Variants in MPP3 observed in about 807,000 individuals in gnomAD.
MPP3 encodes the protein MAGUK p55 subfamily member 3.
MPP3 carries 48 observed loss-of-function variants against 80.7 expected under a neutral mutation model. That is an observed-to-expected ratio of 0.59 (90% CI 0.47 to 0.76). The LOEUF (loss-of-function observed/expected upper bound fraction) is 0.76, where lower values mean the gene tolerates loss of function less well. Among genes scored for constraint, MPP3 ranks in the 30% least tolerant of loss-of-function variants. The pLI, the probability that MPP3 is intolerant of heterozygous loss-of-function variation, is 0.00. For synonymous variants in MPP3, 311 were observed against 297.6 expected (o/e 1.04, Z -0.46); for missense variants, 620 against 763.0 (o/e 0.81, Z 2.21).
intron 18 of MPP3, among the ~76,000 whole-genome samples, 166 bp from the exon 19 acceptor site, chr17:43,809,244 TC>T (rs2044744489): frequency 6.6e-6 from 1 of 152,190 alleles, no homozygotes; most frequent in Non-Finnish European, 1.5e-5. Context: ...GACCAACTGC[TC>T]CTTTTCTCAT....
At chr17:43,829,591 T>G in intron 7 of MPP3, 63 bp downstream of exon 7, 1 of 1,585,944 alleles carries the variant, frequency 6.3e-7, no homozygotes, top group South Asian at 1.1e-5. Flanking sequence ...TTGTCCAGTG[T>G]TCTGGGTGGG....
In MPP3 at chr17:43,820,904, T is replaced by C; in HGVS notation, c.839A>G (p.Asn280Ser). The C allele has an allele frequency of 6.2e-7, 1 of 1,614,098 alleles. No homozygotes were observed. The highest frequency in any genetic ancestry group is 8.5e-7 in the Non-Finnish European group (1 of 1,180,006). ...WWQAKRVGDT[N>S]LRAGLIPSKG... Reference sequence around the variant, plus strand: ...GGAGGGGATGAGGCCGGCTCGAAGGTTGGTGTCCCCGACTCGCTTGGCCTG... The same window carrying C: ...GGAGGGGATGAGGCCGGCTCGAAGGCTGGTGTCCCCGACTCGCTTGGCCTG... Residue 280 changes from asparagine to serine, a missense_variant, in exon 11 of 20, where the codon AAC (asparagine) becomes AGC (serine). Coordinates refer to ENST00000398389, the MANE Select transcript of MPP3 (RefSeq NM_001932.6).
Position 43,831,293 on chromosome 17 carries a change from C to G in MPP3, c.173G>C (p.Arg58Thr). ...KIHEKLRYYE[R>T]QSPTPVLHSA... is the part of the protein sequence containing the mutation. ...GTGCAGAACTGGGGTTGGACTTTGC[C>G]TTTCATAATAGCGAAGCTTCTCATG... Residue 58 changes from arginine (R) to threonine (T), a missense_variant, in exon 5 of 20, where the codon AGG becomes ACG. Arg to Thr is a moderately conservative substitution (Grantham distance 71). Coordinates refer to ENST00000398389, the MANE Select transcript of MPP3 (RefSeq NM_001932.6). The G allele has an allele frequency of 6.2e-7, 1 of 1,614,036 alleles. No homozygotes were observed. The highest frequency in any genetic ancestry group is 1.1e-5 in the South Asian group (1 of 91,082).
In MPP3 at chr17:43,821,024, C is replaced by CGAGG. The variant is rs755981993; in HGVS notation, c.715_718dup (p.Arg240ProfsTer79). The CGAGG allele has an allele frequency of 8.7e-6, 14 of 1,613,868 alleles. No homozygotes were observed. The highest frequency in any genetic ancestry group is 1.3e-5 in the African/African-American group (1 of 74,938). ...CTGGCAAGGGATGGCCCGGTCCTCC[C>CGAGG]GAGGGTTGTAGTGGAAGAGGGCGCG... is the stretch of plus-strand genomic sequence containing the variant. On this transcript the variant is annotated frameshift_variant, in exon 11 of 20. Transcript: ENST00000398389. LOFTEE classifies it high-confidence loss of function.
chr17:43,811,295 C>A (rs1014548655), intron 16 of MPP3, 90 bp from the exon 17 acceptor site: 1 of 968,160 alleles, frequency 1.0e-6, no homozygotes, highest in South Asian at 1.3e-5. Flanking sequence ...TTTGGGAGTT[C>A]ACTGCTGCTG....
At chr17:43,814,114 A>G (rs761778497) in intron 15 of MPP3, 23 bp from the exon 16 acceptor site, 1 of 1,606,588 alleles carries the variant, frequency 6.2e-7, no homozygotes, top group Non-Finnish European at 8.5e-7. Flanking sequence ...AAGAAGGCTG[A>G]CCAGGGTCCC....
intron 5 of MPP3, among the ~76,000 whole-genome samples, chr17:43,830,323 C>T (rs1432156747): frequency 6.6e-6 from 1 of 152,206 alleles, no homozygotes; most frequent in East Asian, 1.9e-4. Context: ...TTAAGCCCTA[C>T]GTGCTTTCTG....
At chr17:43,805,341 G>A (rs185506811) in intron 19 of MPP3, among the ~76,000 whole-genome samples, 20 of 152,328 alleles carry the variant, frequency 1.3e-4, no homozygotes, top group African/African-American at 4.8e-4. Context: ...TGAGGATGTG[G>A]AGAAATGGGA....
chr17:43,809,201 A>C lies in MPP3; in HGVS notation c.1459-123T>G, dbSNP rs979677076. ...CCTCAACAGCAAAGGTCCTGGTTAC[A>C]TGGGTCCCATGACAATGGACTTCAA... On this transcript the variant is annotated intron_variant, in intron 18 of 19. Coordinates refer to ENST00000398389, the MANE Select transcript of MPP3 (RefSeq NM_001932.6). 15 of 1,020,756 alleles carry C rather than the reference A, an allele frequency of 1.5e-5. No individual in the cohort carries two copies. The African/African-American group carries it at 2.5e-4, about 17-fold the overall frequency. 63.2% of individuals were successfully genotyped at this position (1,020,756 alleles called of 1,614,324 possible). A position where few individuals can be genotyped will look rare whatever the true frequency, so the allele number is the denominator to read the frequency against.
Position 43,832,006 on chromosome 17 carries a change from A to C in MPP3, c.-37-63T>G, listed in dbSNP as rs1268302974. On this transcript the variant is annotated intron_variant, in intron 2 of 19. Coordinates refer to ENST00000398389, the MANE Select transcript of MPP3 (RefSeq NM_001932.6). ...TCAAGCATATTTATTGAACAAACTG[A>C]CTACACATCTACTGTGTTCTCTGAG... is the stretch of plus-strand genomic sequence containing the variant. 4.9e-6 allele frequency: 5 copies of C among 1,010,280 alleles called. No individual in the cohort carries two copies. The Admixed American group carries it at 9.8e-5, about 20-fold the overall frequency. The allele number at this position is 1,010,280 out of a possible 1,614,324, so 62.6% of individuals were successfully genotyped here.
rs766463034 is a variant in MPP3 at position 43,831,581 on chromosome 17, T to C, written c.122A>G (p.Lys41Arg). The change falls in exon 4 of 20, where the codon AAA becomes AGA. Residue 41 changes from lysine (K) to arginine (R), a missense_variant. Physicochemically the swap from Lys to Arg is conservative, Grantham distance 26 (BLOSUM62 2). Coordinates refer to ENST00000398389, the MANE Select transcript of MPP3 (RefSeq NM_001932.6). ...MGFLRDVFSE[K>R]SLSYLMKIHE... ...CACCTTCATTAAGTAACTGAGGCTT[T>C]TTTCACTGAAAACATCCCTCAGGAA... 6.2e-7 allele frequency: 1 copy of C among 1,613,422 alleles called. No individual in the cohort carries two copies. The highest frequency in any genetic ancestry group is 8.5e-7 in the Non-Finnish European group (1 of 1,179,502).
intron 12 of MPP3, 37 bp downstream of exon 12, chr17:43,818,009 G>C (rs1280487199): frequency 1.3e-6 from 2 of 1,535,754 alleles, no homozygotes; most frequent in Admixed American, 2.0e-5. Context: ...CTAACCCCGG[G>C]CCCTCCCTGG....
At chr17:43,828,406 G>A (rs1261989709) in intron 7 of MPP3, among the ~76,000 whole-genome samples, 2 of 152,218 alleles carry the variant, frequency 1.3e-5, no homozygotes, top group South Asian at 2.1e-4. Flanking sequence ...CACACAGGCC[G>A]GACTGCAGCA....
At position 43,823,666 on chromosome 17, in the gene MPP3, T is replaced by C. The variant is rs565939086; in HGVS notation, c.684+265A>G. On this transcript the variant is annotated intron_variant, in intron 10 of 19. Transcript: ENST00000398389. ...ACTTGGTACCTTCTCCTCCTCTTCA[T>C]GGCCCTGAGTTTCTATTTCAATTAA... Among the ~76,000 whole-genome samples, 369 of 152,338 alleles carry C rather than the reference T, an allele frequency of 2.4e-3. 1 individual carries two copies. Among genetic ancestry groups the C allele is most frequent in the Admixed American group, 3.8e-3 (58 of 15,306 alleles).
At chr17:43,830,593 C>T (rs56864307) in intron 5 of MPP3, among the ~76,000 whole-genome samples, 4,493 of 152,226 alleles carry the variant, frequency 0.03, 227 homozygotes, top group African/African-American at 0.1. Context: ...GGACAGGCAG[C>T]GCTGAGCCTG....
chr17:43,831,788 C>T (rs2045976320), intron 3 of MPP3, 94 bp downstream of exon 3: 1 of 1,452,442 alleles, frequency 6.9e-7, no homozygotes, highest in Non-Finnish European at 9.4e-7. Context: ...TGAGGACATT[C>T]TCTCCCCAGG....
At chr17:43,831,702 G>A (rs983763567) in intron 3 of MPP3, 25 bp from the exon 4 acceptor site, 2 of 1,580,696 alleles carry the variant, frequency 1.3e-6, no homozygotes, top group South Asian at 1.1e-5. Context: ...GAAAAACAAA[G>A]GATAGCAAAC....
At chr17:43,824,794 G>C (rs1490698466) in intron 9 of MPP3, among the ~76,000 whole-genome samples, 2 of 152,178 alleles carry the variant, frequency 1.3e-5, no homozygotes, top group African/African-American at 4.8e-5. Flanking sequence ...TGTTTTTTGA[G>C]ATGGAGTTTT....
intron 5 of MPP3, among the ~76,000 whole-genome samples, 195 bp from the exon 6 acceptor site, chr17:43,830,302 G>A (rs1297392750): frequency 6.6e-6 from 1 of 152,170 alleles, no homozygotes; most frequent in Non-Finnish European, 1.5e-5. Flanking sequence ...ATCCTCCAAG[G>A]AGCCACCGTT....
Sources: gnomAD v4.1 joint callset for allele counts (sites outside exome capture counted in the v4.1 genomes callset) on GRCh38, gnomAD v4.1.1 for gene constraint, MANE v1.5 for transcripts, NCBI Gene and HGNC (gene_info 2026-07-23, HGNC 2026-07-21) for gene names.